Variants in MIPEP observed in about 807,000 individuals in gnomAD.
MIPEP encodes mitochondrial intermediate peptidase.
In MIPEP, 79 loss-of-function variants were observed where a neutral mutation model predicts 90.3. The ratio of observed to expected loss-of-function variants is 0.87; its 90% CI spans 0.73 to 1.05. The LOEUF is 1.05. Ranked by LOEUF, MIPEP falls within the 50% of genes least tolerant of loss-of-function variation. MIPEP has a pLI of 0.00. For missense variants in MIPEP, 940 were observed against 905.6 expected (o/e 1.04, Z -0.49); for synonymous variants, 334 against 315.8 (o/e 1.06, Z -0.61).
At chr13:23,761,335 C>T (rs1359090389) in intron 16 of MIPEP, among the ~76,000 whole-genome samples, 5 of 152,030 alleles carry the variant, frequency 3.3e-5, no homozygotes, top group East Asian at 3.9e-4. Flanking sequence ...GTGACAGAAA[C>T]GTAAAGACAG....
rs1034695790 is a variant in MIPEP, at chr13:23,886,521, A to T, written c.190-15T>A. On this transcript the variant is annotated splice_polypyrimidine_tract_variant and intron_variant, in intron 1 of 18. Coordinates refer to ENST00000382172, the MANE Select transcript of MIPEP (RefSeq NM_005932.4). ...CCAAAAAGACCCTTAGAACCAAAGA[A>T]TACGTCTGATTTATAACCAAAATTC... The T allele has an allele frequency of 6.5e-6, 10 of 1,528,932 alleles. No homozygotes were observed. In the Admixed American group the frequency reaches 1.8e-4, roughly 27 times the overall value. 94.7% of individuals were successfully genotyped at this position (1,528,932 alleles called of 1,614,324 possible).
intron 14 of MIPEP, among the ~76,000 whole-genome samples, chr13:23,822,427 G>A (rs888524276): frequency 5.9e-5 from 9 of 152,114 alleles, no homozygotes; most frequent in African/African-American, 1.9e-4. Flanking sequence ...GCCCCACCCC[G>A]CAAGGCTGTA....
chr13:23,819,734 C>G (rs1029120559), intron 14 of MIPEP, among the ~76,000 whole-genome samples: 1 of 151,898 alleles, frequency 6.6e-6, no homozygotes, highest in African/African-American at 2.4e-5. Context: ...AAAAGCCGGA[C>G]ACGGTGGCTC....
In MIPEP at chr13:23,805,959, A is replaced by T; in HGVS notation, c.1839T>A (p.Val613=). Residue 613 remains valine (V), a synonymous_variant, in exon 16 of 19, where the codon GTT becomes GTA. Coordinates refer to ENST00000382172, the MANE Select transcript of MIPEP (RefSeq NM_005932.4). ...TQEKFYGLPY[V]PNTAWQLRFS... Reference sequence around the variant, plus strand: ...CAAATGCTGGACTCACAGTATTTGGAACATATGGTAGGCCATAGAATTTCT... The same window carrying T: ...CAAATGCTGGACTCACAGTATTTGGTACATATGGTAGGCCATAGAATTTCT... The T allele has an allele frequency of 6.2e-7, 1 of 1,614,018 alleles. No homozygotes were observed. Among genetic ancestry groups the T allele is most frequent in the Non-Finnish European group, 8.5e-7 (1 of 1,179,924 alleles).
chr13:23,854,273 AT>A (rs1443843874), intron 10 of MIPEP, among the ~76,000 whole-genome samples: 1 of 140,858 alleles, frequency 7.1e-6, no homozygotes, highest in African/African-American at 2.7e-5. Flanking sequence ...TGTTTAATTC[AT>A]TTTTTTCTTA....
chr13:23,761,371 A>G (rs898151094), intron 16 of MIPEP, among the ~76,000 whole-genome samples: 1 of 152,182 alleles, frequency 6.6e-6, no homozygotes, highest in Admixed American at 6.5e-5. Flanking sequence ...AGGAGTGCCA[A>G]TGGTGGAGCC....
intron 18 of MIPEP, among the ~76,000 whole-genome samples, chr13:23,753,234 A>T (rs1952459205): frequency 6.6e-6 from 1 of 151,292 alleles, no homozygotes; most frequent in Non-Finnish European, 1.5e-5. Context: ...AAAAAAAAAA[A>T]AAAAAATAAT....
intron 18 of MIPEP, among the ~76,000 whole-genome samples, chr13:23,754,368 TTAA>T (rs1555231287): frequency 2.6e-5 from 4 of 152,230 alleles, no homozygotes; most frequent in Non-Finnish European, 5.9e-5. Context: ...ATCATGTGAA[TTAA>T]TGAGATCTGA....
intron 10 of MIPEP, among the ~76,000 whole-genome samples, chr13:23,848,621 A>G (rs79207415): frequency 0.1 from 15,268 of 152,248 alleles, 961 homozygotes; most frequent in Non-Finnish European, 0.15. Flanking sequence ...AGAGAACTAC[A>G]AAGAAGAGGC....
intron 16 of MIPEP, among the ~76,000 whole-genome samples, chr13:23,805,462 G>A (rs1441260344): frequency 6.6e-6 from 1 of 152,210 alleles, no homozygotes; most frequent in Non-Finnish European, 1.5e-5. Context: ...ATTAGATAGA[G>A]TCTGGCGCCT....
At chr13:23,865,981 A>G (rs1438480910) in intron 7 of MIPEP, among the ~76,000 whole-genome samples, 1 of 152,080 alleles carries the variant, frequency 6.6e-6, no homozygotes, top group Non-Finnish European at 1.5e-5. Flanking sequence ...TGCCTCAATT[A>G]GTGTCCCCAG....
At chr13:23,856,167 C>G (rs1870036659) in intron 10 of MIPEP, among the ~76,000 whole-genome samples, 1 of 152,194 alleles carries the variant, frequency 6.6e-6, no homozygotes, top group South Asian at 2.1e-4. Flanking sequence ...GGCTGTTAAG[C>G]ACAGCGGAGC....
At chr13:23,813,531 A>G (rs369094547) in intron 14 of MIPEP, among the ~76,000 whole-genome samples, 1 of 152,080 alleles carries the variant, frequency 6.6e-6, no homozygotes, top group Non-Finnish European at 1.5e-5. Context: ...ACAACCATCC[A>G]TTTTTCTTCC....
In MIPEP at chr13:23,846,961, T is replaced by C. The variant is rs17079426; in HGVS notation, c.1107-5473A>G. ...TTAAGGTAATACTATCACCCTATGT[T>C]ACAATGGAGAAAACAGGTTTACAAG... On this transcript the variant is annotated intron_variant, in intron 10 of 18. Coordinates refer to ENST00000382172, the MANE Select transcript of MIPEP (RefSeq NM_005932.4). Among the ~76,000 whole-genome samples, 4,005 of 152,194 alleles carry C rather than the reference T, an allele frequency of 0.026. 425 individuals carry two copies. The East Asian group carries it at 0.36, about 13-fold the overall frequency.
At chr13:23,731,008 G>A (rs1952198845) in intron 18 of MIPEP, among the ~76,000 whole-genome samples, 1 of 152,166 alleles carries the variant, frequency 6.6e-6, no homozygotes, top group Non-Finnish European at 1.5e-5. Context: ...TTTCCTACAA[G>A]GTTGCTATAA....
chr13:23,875,004 C>G (rs571475490), intron 4 of MIPEP, 95 bp from the exon 5 acceptor site: 1 of 895,572 alleles, frequency 1.1e-6, no homozygotes, highest in South Asian at 1.7e-5. Flanking sequence ...CTTTTTCAGC[C>G]TCACTGCCAA....
chr13:23,798,502 C>T (rs965699477), intron 16 of MIPEP, among the ~76,000 whole-genome samples: 1 of 152,070 alleles, frequency 6.6e-6, no homozygotes, highest in South Asian at 2.1e-4. Context: ...GACAGGTAAC[C>T]AATGTTTATA....
intron 7 of MIPEP, among the ~76,000 whole-genome samples, chr13:23,864,572 C>T (rs1190323786): frequency 6.6e-6 from 1 of 151,722 alleles, no homozygotes; most frequent in Non-Finnish European, 1.5e-5. Context: ...CCCGTCTCTA[C>T]CAAAAATACA....
chr13:23,752,999 G>C (rs1952456719), intron 18 of MIPEP, among the ~76,000 whole-genome samples: 2 of 152,114 alleles, frequency 1.3e-5, no homozygotes, highest in Non-Finnish European at 1.5e-5. Flanking sequence ...AGACCAAGGA[G>C]GGTGGATCAC....
Sources: allele counts gnomAD v4.1 joint callset (sites outside exome capture counted in the v4.1 genomes callset), GRCh38; gene constraint gnomAD v4.1.1; transcripts MANE v1.5; gene names NCBI Gene and HGNC (gene_info 2026-07-23, HGNC 2026-07-21).